Variants in ERC1 observed in about 807,000 individuals in gnomAD.
The protein encoded by ERC1 is ELKS/RAB6-interacting/CAST family member 1.
Under a neutral mutation model 132.0 loss-of-function variants are expected in ERC1, and 56 were observed. The observed-to-expected ratio is 0.42, with a 90% CI of 0.34 to 0.53. The LOEUF (loss-of-function observed/expected upper bound fraction) is 0.53, where lower values mean the gene tolerates loss of function less well. Ranked by LOEUF, ERC1 falls within the 20% of genes least tolerant of loss-of-function variation. The pLI, the probability that ERC1 is intolerant of heterozygous loss-of-function variation, is 0.03. For synonymous variants in ERC1, 478 were observed against 476.1 expected (o/e 1.00, Z -0.05); for missense variants, 1,202 against 1,349.9 (o/e 0.89, Z 1.72).
intron 3 of ERC1, among the ~76,000 whole-genome samples, chr12:1,096,434 G>A (rs1944047792): frequency 6.6e-6 from 1 of 152,180 alleles, no homozygotes; most frequent in Non-Finnish European, 1.5e-5. Context: ...AATGAAGATT[G>A]TTTACAGTTA....
At chr12:1,397,151 C>T (rs2090611837) in intron 16 of ERC1, among the ~76,000 whole-genome samples, 2 of 152,120 alleles carry the variant, frequency 1.3e-5, no homozygotes, top group Non-Finnish European at 2.9e-5. Context: ...GAGAATTTAA[C>T]AACACACTCA....
At chr12:1,040,585 C>T (rs1287763971) in intron 2 of ERC1, among the ~76,000 whole-genome samples, 2 of 152,066 alleles carry the variant, frequency 1.3e-5, no homozygotes, top group Admixed American at 6.6e-5. Context: ...GGTTTACAGG[C>T]GTGAGCCACC....
chr12:1,196,976 ATTTTTTTTTTTT>A (rs1172269593), intron 12 of ERC1, among the ~76,000 whole-genome samples: 2,449 of 73,316 alleles, frequency 0.033, 142 homozygotes, highest in Middle Eastern at 0.051. Flanking sequence ...ATATATATAT[ATTTTTTTTTTTT>A]TTTTTTTTTT....
intron 13 of ERC1, among the ~76,000 whole-genome samples, chr12:1,238,501 G>T (rs1230007676): frequency 1.3e-5 from 2 of 152,024 alleles, no homozygotes; most frequent in African/African-American, 4.8e-5. Context: ...AATGTTTATA[G>T]GGAATTATTT....
At chr12:1,155,314 CAAA>C (rs151006544) in intron 8 of ERC1, among the ~76,000 whole-genome samples, 1,458 of 55,028 alleles carry the variant, frequency 0.026, 8 homozygotes, top group African/African-American at 0.083. Flanking sequence ...GACTTCATCT[CAAA>C]AAAAAAAAAA....
chr12:1,189,357 C>A (rs1332927094), intron 11 of ERC1, among the ~76,000 whole-genome samples: 1 of 152,180 alleles, frequency 6.6e-6, no homozygotes, highest in Non-Finnish European at 1.5e-5. Flanking sequence ...ATCACACTCC[C>A]AGTATCTGTT....
intron 15 of ERC1, among the ~76,000 whole-genome samples, chr12:1,312,739 GT>G (rs2154350632): frequency 6.6e-6 from 1 of 152,196 alleles, no homozygotes; most frequent in South Asian, 2.1e-4. Context: ...AATTGTTTCT[GT>G]TAAATTACAT....
intron 2 of ERC1, among the ~76,000 whole-genome samples, chr12:1,064,477 C>T (rs950992959): frequency 1.3e-5 from 2 of 152,136 alleles, no homozygotes; most frequent in Non-Finnish European, 2.9e-5. Context: ...TCACTGCAGC[C>T]TTGAACTCCT....
intron 1 of ERC1, among the ~76,000 whole-genome samples, chr12:1,010,490 A>C (rs1964500490): frequency 6.8e-6 from 1 of 146,256 alleles, no homozygotes; most frequent in Non-Finnish European, 1.5e-5. Flanking sequence ...CAAAAAAAAA[A>C]AAAAGAGAAA....
intron 12 of ERC1, among the ~76,000 whole-genome samples, chr12:1,213,156 A>G (rs1287830379): frequency 6.6e-6 from 1 of 152,000 alleles, no homozygotes; most frequent in Non-Finnish European, 1.5e-5. Flanking sequence ...TTTTTTTTCT[A>G]GATGTAAAAT....
chr12:1,243,510 G>A (rs185935944), intron 13 of ERC1, among the ~76,000 whole-genome samples: 67 of 152,276 alleles, frequency 4.4e-4, no homozygotes, highest in Middle Eastern at 3.4e-3. Flanking sequence ...GTAATGAAAC[G>A]TGAGAGATGC....
At chr12:1,137,770 T>A (rs1593608326) in intron 7 of ERC1, among the ~76,000 whole-genome samples, 1 of 151,572 alleles carries the variant, frequency 6.6e-6, no homozygotes, top group East Asian at 1.9e-4. Flanking sequence ...GGAGAATCTC[T>A]TGAACCCAGG....
At chr12:1,184,403 T>C (rs999313417) in intron 11 of ERC1, among the ~76,000 whole-genome samples, 1 of 152,232 alleles carries the variant, frequency 6.6e-6, no homozygotes, top group African/African-American at 2.4e-5. Context: ...CATTAGGGTC[T>C]ATTTTTTGGT....
chr12:1,493,486 G>A lies in ERC1; in HGVS notation c.*3256G>A, dbSNP rs1134346. 0.48 allele frequency: 67,939 copies of A among 141,354 alleles called. 18,841 individuals carry two copies. Among genetic ancestry groups the A allele is most frequent in the Middle Eastern group, 0.62 (181 of 290 alleles). 8.8% of individuals were successfully genotyped at this position (141,354 alleles called of 1,614,324 possible). ...TGGGAGGCAGAGGCTGCGGTGAGCCGAGATCGTGTCACTGCACTCCAGCCT... is the reference window on the plus strand; with the variant it reads ...TGGGAGGCAGAGGCTGCGGTGAGCCAAGATCGTGTCACTGCACTCCAGCCT... On this transcript the variant is annotated 3_prime_UTR_variant, in exon 19 of 19. Coordinates refer to ENST00000360905, the MANE Select transcript of ERC1 (RefSeq NM_178040.4).
At chr12:1,245,206 A>G (rs2076085399) in intron 13 of ERC1, among the ~76,000 whole-genome samples, 1 of 152,264 alleles carries the variant, frequency 6.6e-6, no homozygotes, top group South Asian at 2.1e-4. Context: ...TTGGCATCCC[A>G]GAAATCATAT....
rs949088007 is a variant in ERC1, at chr12:1,494,845, A to G, written c.*4615A>G. 7 of 230,408 alleles carry G rather than the reference A, an allele frequency of 3.0e-5. No homozygotes were observed. Among genetic ancestry groups the G allele is most frequent in the African/African-American group, 8.8e-5 (4 of 45,198 alleles). The allele number at this position is 230,408 out of a possible 1,614,324, so 14.3% of individuals were successfully genotyped here. Reference sequence around the variant, plus strand: ...CTGTGTTTTAAAAATGCAAACCAATATCTTGTTAATAAAGGAATTCAAGCT... The same window carrying G: ...CTGTGTTTTAAAAATGCAAACCAATGTCTTGTTAATAAAGGAATTCAAGCT... On this transcript the variant is annotated 3_prime_UTR_variant, in exon 19 of 19. Transcript: ENST00000360905.
At chr12:1,436,681 G>C (rs1294109880) in intron 17 of ERC1, among the ~76,000 whole-genome samples, 1 of 150,814 alleles carries the variant, frequency 6.6e-6, no homozygotes, top group Admixed American at 6.6e-5. Context: ...GAGGCACCAG[G>C]CCTCAGAGGG....
intron 16 of ERC1, among the ~76,000 whole-genome samples, chr12:1,376,992 G>A (rs10848464): frequency 0.41 from 61,572 of 151,870 alleles, 13,726 homozygotes; most frequent in African/African-American, 0.59. Context: ...CGTTGGTCTT[G>A]AGAATGATCC....
chr12:1,022,014 G>A (rs1328284844), intron 1 of ERC1, among the ~76,000 whole-genome samples: 1 of 152,166 alleles, frequency 6.6e-6, no homozygotes, highest in Non-Finnish European at 1.5e-5. Context: ...GTTTACTTTA[G>A]TGTGATACAC....
Sources: allele counts gnomAD v4.1 joint callset (sites outside exome capture counted in the v4.1 genomes callset), GRCh38; gene constraint gnomAD v4.1.1; transcripts MANE v1.5; gene names NCBI Gene and HGNC (gene_info 2026-07-23, HGNC 2026-07-21).